ZNF577: variants seen among roughly 807,000 people sequenced by gnomAD.
ZNF577 encodes zinc finger protein 577.
Under a neutral mutation model 13.9 loss-of-function variants are expected in ZNF577, and 14 were observed. The ratio of observed to expected loss-of-function variants is 1.00; its 90% confidence interval spans 0.66 to 1.57. The LOEUF (loss-of-function observed/expected upper bound fraction) is 1.57. Ranked by LOEUF, ZNF577 falls within the 40% of genes most tolerant of loss-of-function variation. The pLI, the probability that ZNF577 is intolerant of heterozygous loss-of-function variation, is 0.00. For missense variants in ZNF577, 555 were observed against 579.2 expected (o/e 0.96, Z 0.43); for synonymous variants, 203 against 202.9 (o/e 1.00, Z 0.00).
chr19:51,820,168 GTTA>G (rs1568431956), intron 9 of ZNF577, among the ~76,000 whole-genome samples: 1 of 152,222 alleles, frequency 6.6e-6, no homozygotes, highest in African/African-American at 2.4e-5. Context: ...AGGGCTGAAT[GTTA>G]TTTTAATGCA....
intron 5 of ZNF577, among the ~76,000 whole-genome samples, chr19:51,875,027 T>C (rs2084733829): frequency 6.6e-6 from 1 of 151,960 alleles, no homozygotes; most frequent in East Asian, 1.9e-4. Context: ...AAACAATATA[T>C]GACCATTACT....
chr19:51,865,420 T>C (rs2084551322), downstream of ZNF577, among the ~76,000 whole-genome samples: 1 of 152,038 alleles, frequency 6.6e-6, no homozygotes. Context: ...TCTAACACCA[T>C]ATATACAGGA....
chr19:51,850,567 G>C (rs1186047730), intron 5 of ZNF577, among the ~76,000 whole-genome samples: 1 of 152,182 alleles, frequency 6.6e-6, no homozygotes, highest in Admixed American at 6.5e-5. Flanking sequence ...GTAGCCTCCT[G>C]CTGTAATATA....
chr19:51,857,434 A>AC (rs1161480487), intron 5 of ZNF577, among the ~76,000 whole-genome samples: 1 of 147,070 alleles, frequency 6.8e-6, no homozygotes, highest in Non-Finnish European at 1.5e-5. Flanking sequence ...AAGAAAAGAA[A>AC]AAACAAAGAA....
At chr19:51,877,506 A>C in intron 4 of ZNF577, 129 bp from the exon 5 acceptor site, 1 of 709,796 alleles carries the variant, frequency 1.4e-6, no homozygotes, top group South Asian at 1.8e-5. Flanking sequence ...TCAGGAAAAG[A>C]GCACAACCAC....
intron 9 of ZNF577, chr19:51,825,132 T>A: frequency 3.8e-6 from 1 of 262,744 alleles, no homozygotes; most frequent in Non-Finnish European, 7.7e-6. Flanking sequence ...CCAACCAGCT[T>A]CAATCAGGGT....
chr19:51,887,420 G>A lies in ZNF577; in HGVS notation c.-818C>T, dbSNP rs139522744. On this transcript the variant is annotated 5_prime_UTR_variant, in exon 1 of 6. Transcript: ENST00000638348. ...TAAACCAGAGTTATTTTCTGGAGGA[G>A]TATTTAAAATGATGGGGATGTTATT... is the stretch of plus-strand genomic sequence containing the variant. 1.3e-5 allele frequency: 2 copies of A among 152,288 alleles called. No individual in the cohort carries two copies. Among genetic ancestry groups the A allele is most frequent in the East Asian group, 3.9e-4 (2 of 5,190 alleles). 9.4% of individuals were successfully genotyped at this position (152,288 alleles called of 1,614,324 possible).
In ZNF577 at chr19:51,869,025, CAAGA is replaced by C. The variant is rs143747877; in HGVS notation, c.*3503_*3506del. 0.03 allele frequency among the ~76,000 whole-genome samples: 4,640 copies of C among 152,250 alleles called. 218 individuals carry two copies. The highest frequency in any genetic ancestry group is 0.11 in the African/African-American group (4,408 of 41,520). On this transcript the variant is annotated 3_prime_UTR_variant, in exon 6 of 6. Coordinates refer to ENST00000638348, the MANE Select transcript of ZNF577 (RefSeq NM_001370449.1). ...GCGGAAGGCCGCAGGGACCTCTGCC[CAAGA>C]AAGCCTGGGTATCGTCCAAGGTTTC...
intron 5 of ZNF577, among the ~76,000 whole-genome samples, chr19:51,856,148 A>C (rs1262615430): frequency 6.6e-6 from 1 of 152,238 alleles, no homozygotes; most frequent in African/African-American, 2.4e-5. Flanking sequence ...ATGGATACGC[A>C]GAGGCCTTGT....
intron 9 of ZNF577, chr19:51,825,875 G>C (rs911061720): frequency 6.0e-5 from 10 of 167,072 alleles, no homozygotes; most frequent in African/African-American, 2.4e-4. Flanking sequence ...GGGGATATTT[G>C]TAAGGCTTAG....
At chr19:51,878,639 A>G in intron 3 of ZNF577, 124 bp from the exon 4 acceptor site, 2 of 1,215,112 alleles carry the variant, frequency 1.6e-6, no homozygotes, top group South Asian at 3.1e-5. Context: ...TATTTCACAT[A>G]CCAAAGGACC....
Position 51,824,330 on chromosome 19 carries a change from C to T in ZNF577, c.*600-12656G>A, listed in dbSNP as rs369584064. On this transcript the variant is annotated intron_variant and NMD_transcript_variant, in intron 9 of 10. Transcript: ENST00000638827. This position sits in a 1 kb window ranked among gnomAD's most constrained non-coding sequence, Gnocchi z 4.7. ...CTGCTGTAGAGAGGTTGAACGTGTT[C>T]ATTACCATGGCCAAGGTCTTTCTGA... is the stretch of plus-strand genomic sequence containing the variant. The T allele has an allele frequency of 1.9e-6, 3 of 1,614,024 alleles. No individual in the cohort carries two copies. Among genetic ancestry groups the T allele is most frequent in the Non-Finnish European group, 2.5e-6 (3 of 1,180,014 alleles).
chr19:51,857,340 AAGAAAGAG>A (rs1568442034), intron 5 of ZNF577, among the ~76,000 whole-genome samples: 1 of 88,180 alleles, frequency 1.1e-5, no homozygotes, highest in Non-Finnish European at 2.2e-5. Context: ...AAAGGAGAGA[AAGAAAGAG>A]AGAAAGAAAG....
At chr19:51,806,859 C>T (rs7252329) in intron 10 of ZNF577, among the ~76,000 whole-genome samples, 37,791 of 152,122 alleles carry the variant, frequency 0.25, 5,066 homozygotes, top group South Asian at 0.39. Flanking sequence ...AGTTTCTATG[C>T]GAATGGCTAA....
intron 5 of ZNF577, among the ~76,000 whole-genome samples, chr19:51,854,353 G>C (rs2084396985): frequency 6.6e-6 from 1 of 151,718 alleles, no homozygotes; most frequent in Admixed American, 6.6e-5. Context: ...TTTGAGACAG[G>C]ATCTCACTCT....
chr19:51,816,959 TCAC>T (rs2084141630), intron 9 of ZNF577, among the ~76,000 whole-genome samples: 1 of 152,228 alleles, frequency 6.6e-6, no homozygotes, highest in Admixed American at 6.5e-5. Flanking sequence ...TCTCATTTTT[TCAC>T]CTTGGTAATT....
chr19:51,828,367 CAAA>C (rs11307174), intron 9 of ZNF577, among the ~76,000 whole-genome samples: 3 of 118,508 alleles, frequency 2.5e-5, no homozygotes. Flanking sequence ...GATTCCATCT[CAAA>C]AAAAAAAAAA....
At chr19:51,808,533 G>A (rs937419244) in intron 10 of ZNF577, among the ~76,000 whole-genome samples, 1 of 152,172 alleles carries the variant, frequency 6.6e-6, no homozygotes, top group African/African-American at 2.4e-5. Context: ...CTGACATAGC[G>A]TAAGACTGTT....
At chr19:51,826,765 G>A (rs2084234245) in intron 9 of ZNF577, among the ~76,000 whole-genome samples, 1 of 152,168 alleles carries the variant, frequency 6.6e-6, no homozygotes. Flanking sequence ...ATAGTTTGGT[G>A]GGCAGGAGAC....
Sources: gnomAD v4.1 joint callset for allele counts (sites outside exome capture counted in the v4.1 genomes callset) on GRCh38, gnomAD v4.1.1 for gene constraint, Gnocchi (gnomAD v3.1) non-coding constraint, MANE v1.5 for transcripts, NCBI Gene and HGNC (gene_info 2026-07-23, HGNC 2026-07-21) for gene names.